The following HOXD9 variants were observed in gnomAD, a reference collection of about 807,000 sequenced individuals.
HOXD9 encodes homeobox D9, also known as homeobox protein Hox-D9.
A neutral mutation model predicts 24.6 loss-of-function variants in HOXD9; 21 were observed. The observed-to-expected ratio is 0.85, with a 90% CI of 0.61 to 1.23. HOXD9 has a LOEUF of 1.23. Ranked by LOEUF, HOXD9 falls within the 50% of genes most tolerant of loss-of-function variation. The pLI is 0.00. For synonymous variants in HOXD9, 240 were observed against 226.4 expected (o/e 1.06, Z -0.54); for missense variants, 503 against 503.6 (o/e 1.00, Z 0.01).
rs541136840 is a variant in HOXD9 at position 176,124,198 on chromosome 2, C to T, written c.*23C>T. Reference sequence around the variant, plus strand: ...TGACCCGGCGCGGTGCTGGCGGGAGCGCTCAAGGGCAGCGGATTTGTTGTT... The same window carrying T: ...TGACCCGGCGCGGTGCTGGCGGGAGTGCTCAAGGGCAGCGGATTTGTTGTT... On this transcript the variant is annotated 3_prime_UTR_variant, in exon 2 of 2. Coordinates refer to ENST00000249499, the MANE Select transcript of HOXD9 (RefSeq NM_014213.4). 1.0e-5 allele frequency: 16 copies of T among 1,566,820 alleles called. No homozygotes were observed. Among genetic ancestry groups the T allele is most frequent in the African/African-American group, 1.4e-5 (1 of 73,238 alleles).
Position 176,123,886 on chromosome 2 carries a change from C to T in HOXD9, c.818-48C>T. ...TTCCCCACCCTGTGGTCTCTCCCTG[C>T]CTCCCCTCCTCTCCTCTCTCCCCGT... On this transcript the variant is annotated intron_variant, in intron 1 of 1. Coordinates refer to ENST00000249499, the MANE Select transcript of HOXD9 (RefSeq NM_014213.4). This position sits in a 1 kb window ranked among gnomAD's most constrained non-coding sequence, Gnocchi z 4.2. The T allele has an allele frequency of 6.7e-7, 1 of 1,498,386 alleles. No individual in the cohort carries two copies. 92.8% of individuals were successfully genotyped at this position (1,498,386 alleles called of 1,614,324 possible).
In HOXD9 at chr2:176,124,057, G is replaced by A; in HGVS notation, c.941G>A (p.Arg314Gln). 1.2e-6 allele frequency: 2 copies of A among 1,614,158 alleles called. No individual in the cohort carries two copies. Among genetic ancestry groups the A allele is most frequent in the Non-Finnish European group, 1.7e-6 (2 of 1,180,032 alleles). ...FLFNMYLTRD[R>Q]RYEVARILNL... The stretch of plus-strand genomic sequence containing the variant: ...TTCAACATGTACCTCACCCGGGACC[G>A]GCGCTACGAGGTGGCCAGGATTCTC... Residue 314 changes from arginine (R) to glutamine (Q), a missense_variant, in exon 2 of 2, where the codon CGG becomes CAG. Physicochemically the swap from Arg to Gln is conservative, Grantham distance 43. Coordinates refer to ENST00000249499, the MANE Select transcript of HOXD9 (RefSeq NM_014213.4).
Position 176,123,284 on chromosome 2 carries a change from G to T in HOXD9, c.516G>T (p.Thr172=). The T allele has an allele frequency of 6.5e-7, 1 of 1,528,108 alleles. No homozygotes were observed. Among genetic ancestry groups the T allele is most frequent in the Non-Finnish European group, 8.8e-7 (1 of 1,134,632 alleles). The allele number at this position is 1,528,108 out of a possible 1,614,324, so 94.7% of individuals were successfully genotyped here. Reference sequence around the variant, plus strand: ...CCCGAGCGGCCCCGGCCCCCGCCACGGCCGCCTCCACCACCTCCTCCTCCT... The same window carrying T: ...CCCGAGCGGCCCCGGCCCCCGCCACTGCCGCCTCCACCACCTCCTCCTCCT... ...PETRAAPAPA[T]AASTTSSSST... The change falls in exon 1 of 2, where the codon ACG becomes ACT. Residue 172 remains threonine, a synonymous_variant. Transcript: ENST00000249499. The surrounding 1 kb of genome is among the most constrained non-coding windows in gnomAD (Gnocchi z 4.2).
rs372008744 is a variant in HOXD9, at chr2:176,124,169, A to G, written c.1053A>G (p.Gly351=). 19 of 1,605,486 alleles carry G rather than the reference A, an allele frequency of 1.2e-5. No individual in the cohort carries two copies. In the African/African-American group the frequency reaches 2.1e-4, roughly 18 times the overall value. The part of the protein sequence containing the change: ...KKMSKEKCPK[G]D ...TGAGCAAGGAGAAATGCCCCAAAGG[A>G]GACTGACCCGGCGCGGTGCTGGCGG... Residue 351 remains glycine (G), a synonymous_variant, in exon 2 of 2, where the codon GGA becomes GGG. Coordinates refer to ENST00000249499, the MANE Select transcript of HOXD9 (RefSeq NM_014213.4).
Position 176,123,100 on chromosome 2 carries a change from A to G in HOXD9, c.332A>G (p.Glu111Gly). The change falls in exon 1 of 2, where the codon GAG (glutamate) becomes GGG (glycine). Residue 111 changes from glutamate to glycine, a missense_variant. Physicochemically the swap from Glu to Gly is moderately conservative, Grantham distance 98. Transcript: ENST00000249499. This position sits in a 1 kb window ranked among gnomAD's most constrained non-coding sequence, Gnocchi z 4.2. ...PPPPLAASAS[E>G]PGRYVRSWME... Reference sequence around the variant, plus strand: ...CCGCCCCTGGCCGCCTCTGCCTCCGAGCCCGGCCGCTACGTGCGCTCCTGG... The same window carrying G: ...CCGCCCCTGGCCGCCTCTGCCTCCGGGCCCGGCCGCTACGTGCGCTCCTGG... 6.5e-7 allele frequency: 1 copy of G among 1,528,292 alleles called. No individual in the cohort carries two copies. The highest frequency in any genetic ancestry group is 2.1e-5 in the Admixed American group (1 of 48,134). 94.7% of individuals were successfully genotyped at this position (1,528,292 alleles called of 1,614,324 possible).
chr2:176,123,104 C>T lies in HOXD9; in HGVS notation c.336C>T (p.Pro112=), dbSNP rs1689906342. The part of the protein sequence containing the change: ...PPPLAASASE[P]GRYVRSWMEP... ...CCCTGGCCGCCTCTGCCTCCGAGCC[C>T]GGCCGCTACGTGCGCTCCTGGATGG... The change falls in exon 1 of 2, where the codon CCC becomes CCT. Residue 112 remains proline, a synonymous_variant. Coordinates refer to ENST00000249499, the MANE Select transcript of HOXD9 (RefSeq NM_014213.4). The surrounding 1 kb of genome is among the most constrained non-coding windows in gnomAD (Gnocchi z 4.2). 3 of 1,520,496 alleles carry T rather than the reference C, an allele frequency of 2.0e-6. No homozygotes were observed. In the East Asian group the frequency reaches 8.1e-5, roughly 41 times the overall value. 94.2% of individuals were successfully genotyped at this position (1,520,496 alleles called of 1,614,324 possible). A position where few individuals can be genotyped will look rare whatever the true frequency, so the allele number is the denominator to read the frequency against.
chr2:176,123,994 C>G lies in HOXD9; in HGVS notation c.878C>G (p.Thr293Ser), dbSNP rs760814488. Residue 293 changes from threonine to serine, a missense_variant, in exon 2 of 2, where the codon ACC becomes AGC. By Grantham distance (58) the Thr-to-Ser change is moderately conservative. Coordinates refer to ENST00000249499, the MANE Select transcript of HOXD9 (RefSeq NM_014213.4). The surrounding 1 kb of genome is among the most constrained non-coding windows in gnomAD (Gnocchi z 4.2). ...RSTRKKRCPY[T>S]KYQTLELEKE... The stretch of plus-strand genomic sequence containing the variant: ...ACCCGGAAAAAGCGCTGTCCCTACA[C>G]CAAATACCAGACGCTTGAGCTGGAG... 3.5e-5 allele frequency: 57 copies of G among 1,614,070 alleles called. No homozygotes were observed. The highest frequency in any genetic ancestry group is 4.8e-5 in the Non-Finnish European group (57 of 1,180,036).
rs1196567301 is a variant in HOXD9 at position 176,124,356 on chromosome 2, ACT to A, written c.*184_*185del. ...GGTTGGTCTCTGAGGTATTTGGGGG[ACT>A]CTGTATTTGCTCGTTTACGTGTTGG... On this transcript the variant is annotated 3_prime_UTR_variant, in exon 2 of 2. Coordinates refer to ENST00000249499, the MANE Select transcript of HOXD9 (RefSeq NM_014213.4). 6.4e-5 allele frequency: 56 copies of A among 875,300 alleles called. No individual in the cohort carries two copies. The highest frequency in any genetic ancestry group is 8.3e-5 in the Non-Finnish European group (53 of 635,638). The allele number at this position is 875,300 out of a possible 1,614,324, so 54.2% of individuals were successfully genotyped here.
rs542311904 is a variant in HOXD9, at chr2:176,124,199, G to C, written c.*24G>C. On this transcript the variant is annotated 3_prime_UTR_variant, in exon 2 of 2. Coordinates refer to ENST00000249499, the MANE Select transcript of HOXD9 (RefSeq NM_014213.4). ...GACCCGGCGCGGTGCTGGCGGGAGCGCTCAAGGGCAGCGGATTTGTTGTTG... is the reference window on the plus strand; with the variant it reads ...GACCCGGCGCGGTGCTGGCGGGAGCCCTCAAGGGCAGCGGATTTGTTGTTG... The C allele has an allele frequency of 3.8e-6, 6 of 1,566,884 alleles. No homozygotes were observed. The African/African-American group carries it at 6.8e-5, about 18-fold the overall frequency.
At position 176,123,837 on chromosome 2, in the gene HOXD9, G is replaced by C. The variant is rs968010176; in HGVS notation, c.818-97G>C. ...AAGTTGTGAAAAGCGACCATCCTTG[G>C]TGAAATTAATTTAACGACCTCTCTT... On this transcript the variant is annotated intron_variant, in intron 1 of 1. Transcript: ENST00000249499. This position sits in a 1 kb window ranked among gnomAD's most constrained non-coding sequence, Gnocchi z 4.2. 9.8e-5 allele frequency: 114 copies of C among 1,157,470 alleles called. 1 individual carries two copies. The highest frequency in any genetic ancestry group is 2.5e-4 in the Middle Eastern group (1 of 4,046). 71.7% of individuals were successfully genotyped at this position (1,157,470 alleles called of 1,614,324 possible). A position where few individuals can be genotyped will look rare whatever the true frequency, so the allele number is the denominator to read the frequency against.
rs1162232755 is a variant in HOXD9, at chr2:176,123,555, TCGCAGC to T, written c.794_799del (p.Pro265_Gln266del). 1 of 1,469,362 alleles carries T rather than the reference TCGCAGC, an allele frequency of 6.8e-7. No homozygotes were observed. Among genetic ancestry groups the T allele is most frequent in the Non-Finnish European group, 9.0e-7 (1 of 1,108,470 alleles). 91.0% of individuals were successfully genotyped at this position (1,469,362 alleles called of 1,614,324 possible). On this transcript the variant is annotated inframe_deletion, in exon 1 of 2. Transcript: ENST00000249499. This position sits in a 1 kb window ranked among gnomAD's most constrained non-coding sequence, Gnocchi z 4.2. ...GCTGAAGGAGGAGGAGAAGCAGCATTCGCAGCCGCAGCAGCAGCAACTTGACCCAAG... is the reference window on the plus strand; with the variant it reads ...GCTGAAGGAGGAGGAGAAGCAGCATTCGCAGCAGCAGCAACTTGACCCAAG...
chr2:176,123,019 C>T lies in HOXD9; in HGVS notation c.251C>T (p.Ser84Phe). 2.5e-6 allele frequency: 4 copies of T among 1,590,038 alleles called. No individual in the cohort carries two copies. Among genetic ancestry groups the T allele is most frequent in the Non-Finnish European group, 2.6e-6 (3 of 1,170,758 alleles). ...TCTGCCTCGTGGTCCGCGGTGCCCT[C>T]CCAGCCCCCGGCAGCGGCGGCGATG... ...VFSASWSAVP[S>F]QPPAAAAMSG... The change falls in exon 1 of 2, where the codon TCC (serine) becomes TTC (phenylalanine). Residue 84 changes from serine to phenylalanine, a missense_variant. Ser to Phe is a radical substitution (Grantham distance 155, BLOSUM62 -2). Coordinates refer to ENST00000249499, the MANE Select transcript of HOXD9 (RefSeq NM_014213.4). This position sits in a 1 kb window ranked among gnomAD's most constrained non-coding sequence, Gnocchi z 4.2.
rs1416645849 is a variant in HOXD9 at position 176,124,175 on chromosome 2, A to C, written c.1059A>C (p.Ter353CysextTer56). Residue 353 changes from the stop codon to cysteine, a stop_lost, in exon 2 of 2, where the codon TGA becomes TGC. Transcript: ENST00000249499. ...AGGAGAAATGCCCCAAAGGAGACTG[A>C]CCCGGCGCGGTGCTGGCGGGAGCGC... Reference protein sequence around the residue: ...MSKEKCPKGD* With the variant: ...MSKEKCPKGDC 1 of 1,602,608 alleles carries C rather than the reference A, an allele frequency of 6.2e-7. No homozygotes were observed.
In HOXD9 at chr2:176,124,321, G is replaced by A; in HGVS notation, c.*146G>A. 1 of 1,264,170 alleles carries A rather than the reference G, an allele frequency of 7.9e-7. No individual in the cohort carries two copies. The allele number at this position is 1,264,170 out of a possible 1,614,324, so 78.3% of individuals were successfully genotyped here. A position where few individuals can be genotyped will look rare whatever the true frequency, so the allele number is the denominator to read the frequency against. ...TTTTTTTTTTTCTTTTTAGATAGAA[G>A]TGACTGTGTGGTTGGTCTCTGAGGT... On this transcript the variant is annotated 3_prime_UTR_variant, in exon 2 of 2. Coordinates refer to ENST00000249499, the MANE Select transcript of HOXD9 (RefSeq NM_014213.4).
Position 176,123,719 on chromosome 2 carries a change from TA to T in HOXD9, c.817+139del. On this transcript the variant is annotated intron_variant, in intron 1 of 1. Transcript: ENST00000249499. This position sits in a 1 kb window ranked among gnomAD's most constrained non-coding sequence, Gnocchi z 4.2. ...AGCCTAGGCGAACAACATGCATCCA[TA>T]AAAAGAGCTTCCCATAACCACCTAC... is the stretch of plus-strand genomic sequence containing the variant. The T allele has an allele frequency of 8.0e-7, 1 of 1,244,976 alleles. No individual in the cohort carries two copies. The highest frequency in any genetic ancestry group is 1.1e-6 in the Non-Finnish European group (1 of 929,302). The allele number at this position is 1,244,976 out of a possible 1,614,324, so 77.1% of individuals were successfully genotyped here.
rs747374512 is a variant in HOXD9, at chr2:176,123,044, G to A, written c.276G>A (p.Met92Ile). Residue 92 changes from methionine to isoleucine, a missense_variant, in exon 1 of 2, where the codon ATG becomes ATA. By Grantham distance (10) the Met-to-Ile change is conservative (BLOSUM62 1). Coordinates refer to ENST00000249499, the MANE Select transcript of HOXD9 (RefSeq NM_014213.4). The surrounding 1 kb of genome is among the most constrained non-coding windows in gnomAD (Gnocchi z 4.2). ...VPSQPPAAAA[M>I]SGLYHPYVPP... Reference sequence around the variant, plus strand: ...CCCAGCCCCCGGCAGCGGCGGCGATGAGCGGCCTCTACCACCCGTACGTTC... The same window carrying A: ...CCCAGCCCCCGGCAGCGGCGGCGATAAGCGGCCTCTACCACCCGTACGTTC... The A allele has an allele frequency of 1.1e-5, 17 of 1,584,326 alleles. No individual in the cohort carries two copies. The highest frequency in any genetic ancestry group is 1.4e-5 in the African/African-American group (1 of 71,188).
In HOXD9 at chr2:176,123,504, A is replaced by C. The variant is rs367821438; in HGVS notation, c.736A>C (p.Ser246Arg). 1.3e-6 allele frequency: 2 copies of C among 1,528,084 alleles called. No individual in the cohort carries two copies. The highest frequency in any genetic ancestry group is 1.8e-6 in the Non-Finnish European group (2 of 1,133,202). The allele number at this position is 1,528,084 out of a possible 1,614,324, so 94.7% of individuals were successfully genotyped here. ...CGGCTCGTCGGAGCCCTCAGCTTGC[A>C]GCGACCACCCGATCCCAGGCTGTTC... is the stretch of plus-strand genomic sequence containing the variant. ...TGGSSEPSAC[S>R]DHPIPGCSLK... Residue 246 changes from serine (S) to arginine (R), a missense_variant, in exon 1 of 2, where the codon AGC becomes CGC. Coordinates refer to ENST00000249499, the MANE Select transcript of HOXD9 (RefSeq NM_014213.4). The surrounding 1 kb of genome is among the most constrained non-coding windows in gnomAD (Gnocchi z 4.2).
Position 176,122,851 on chromosome 2 carries a change from A to T in HOXD9, c.83A>T (p.His28Leu). ...SNYYVDSLIG[H>L]EGDEVFAARF... ...TACTACGTGGACTCGCTTATAGGCCATGAGGGCGACGAGGTGTTCGCGGCG... is the reference window on the plus strand; with the variant it reads ...TACTACGTGGACTCGCTTATAGGCCTTGAGGGCGACGAGGTGTTCGCGGCG... Residue 28 changes from histidine to leucine, a missense_variant, in exon 1 of 2, where the codon CAT (histidine) becomes CTT (leucine). His to Leu is a moderately conservative substitution (Grantham distance 99). Coordinates refer to ENST00000249499, the MANE Select transcript of HOXD9 (RefSeq NM_014213.4). The T allele has an allele frequency of 6.3e-7, 1 of 1,592,834 alleles. No homozygotes were observed. The highest frequency in any genetic ancestry group is 8.5e-7 in the Non-Finnish European group (1 of 1,171,494).
rs749456717 is a variant in HOXD9, at chr2:176,123,029, G to A, written c.261G>A (p.Pro87=). 10 of 1,586,894 alleles carry A rather than the reference G, an allele frequency of 6.3e-6. 2 individuals carry two copies. The South Asian group carries it at 1.0e-4, about 16-fold the overall frequency. ...ASWSAVPSQP[P]AAAAMSGLYH... is the part of the protein sequence containing the mutation. ...GGTCCGCGGTGCCCTCCCAGCCCCC[G>A]GCAGCGGCGGCGATGAGCGGCCTCT... The change falls in exon 1 of 2, where the codon CCG becomes CCA. Residue 87 remains proline (P), a synonymous_variant. Transcript: ENST00000249499. The surrounding 1 kb of genome is among the most constrained non-coding windows in gnomAD (Gnocchi z 4.2).
Sources: gnomAD v4.1 joint callset for allele counts on GRCh38, gnomAD v4.1.1 for gene constraint, Gnocchi (gnomAD v3.1) non-coding constraint, MANE v1.5 for transcripts, NCBI Gene and HGNC (gene_info 2026-07-23, HGNC 2026-07-21) for gene names.